Variants in AKR1B10 observed in about 807,000 individuals in gnomAD.
The protein encoded by AKR1B10 is aldo-keto reductase family 1 member B10.
In AKR1B10, 39 loss-of-function variants were observed where a neutral mutation model predicts 38.9. The observed-to-expected ratio is 1.00, with a 90% confidence interval of 0.78 to 1.31. The LOEUF (loss-of-function observed/expected upper bound fraction) is 1.31, where lower values mean the gene tolerates loss of function less well. Among genes scored for constraint, AKR1B10 ranks in the 50% most tolerant of loss-of-function variants. AKR1B10 has a pLI of 0.00. For synonymous variants in AKR1B10, 148 were observed against 141.2 expected, an observed-to-expected ratio of 1.05 and a Z score of -0.34; for missense variants, 361 against 382.6, an observed-to-expected ratio of 0.94 and a Z score of 0.47.
chr7:134,538,950 T>A lies in AKR1B10; in HGVS notation c.841T>A (p.Leu281Met), dbSNP rs1314771281. ...VENIQVFDFKLSDEEMATILS... is the reference protein window; with the variant it reads ...VENIQVFDFKMSDEEMATILS... Reference sequence around the variant, plus strand: ...ACCTTTCCAGGTCTTTGACTTTAAATTGAGTGATGAGGAGATGGCAACCAT... The same window carrying A: ...ACCTTTCCAGGTCTTTGACTTTAAAATGAGTGATGAGGAGATGGCAACCAT... Residue 281 changes from leucine (L) to methionine (M), a missense_variant, in exon 9 of 10, where the codon TTG becomes ATG. By Grantham distance (15) the Leu-to-Met change is conservative. Coordinates refer to ENST00000359579, the MANE Select transcript of AKR1B10 (RefSeq NM_020299.5). 6.2e-7 allele frequency: 1 copy of A among 1,614,010 alleles called. No homozygotes were observed. Among genetic ancestry groups the A allele is most frequent in the Admixed American group, 1.7e-5 (1 of 60,024 alleles).
Position 134,541,120 on chromosome 7 carries a change from G to T in AKR1B10, c.*31G>T. On this transcript the variant is annotated 3_prime_UTR_variant, in exon 10 of 10. Transcript: ENST00000359579. ...AATCTCCTGGTGAGATTATACAGGA[G>T]ATTCTCTTTCTTCGCTGAAGTGTGA... The T allele has an allele frequency of 6.6e-7, 1 of 1,508,994 alleles. No individual in the cohort carries two copies. Among genetic ancestry groups the T allele is most frequent in the Middle Eastern group, 1.8e-4 (1 of 5,452 alleles). 93.5% of individuals were successfully genotyped at this position (1,508,994 alleles called of 1,614,324 possible).
intron 6 of AKR1B10, 51 bp from the exon 7 acceptor site, chr7:134,537,529 T>C (rs767927540): frequency 2.5e-6 from 4 of 1,585,066 alleles, no homozygotes; most frequent in East Asian, 2.2e-5. Context: ...GGTGTCCTTC[T>C]GTACATGGTA....
In AKR1B10 at chr7:134,535,719, T is replaced by C. The variant is rs1807984693; in HGVS notation, c.430-931T>C. 7.1e-6 allele frequency: 7 copies of C among 981,570 alleles called. No homozygotes were observed. In the Admixed American group the frequency reaches 4.3e-4, roughly 60 times the overall value. The allele number at this position is 981,570 out of a possible 1,614,324, so 60.8% of individuals were successfully genotyped here. A position where few individuals can be genotyped will look rare whatever the true frequency, so the allele number is the denominator to read the frequency against. On this transcript the variant is annotated intron_variant, in intron 4 of 9. Transcript: ENST00000359579. ...GACTCTGTCTATGCCGCTGTGATGT[T>C]ATCTGAGGCAGCCTCAGTGTCATGA...
chr7:134,537,483 G>A, intron 6 of AKR1B10, 97 bp from the exon 7 acceptor site: 2 of 1,327,358 alleles, frequency 1.5e-6, no homozygotes, highest in Non-Finnish European at 1.1e-6. Flanking sequence ...CAGATGGAGA[G>A]GCTCTGATGA....
chr7:134,540,546 T>C (rs1366486644), intron 9 of AKR1B10, among the ~76,000 whole-genome samples: 3 of 152,172 alleles, frequency 2.0e-5, no homozygotes, highest in Non-Finnish European at 2.9e-5. Flanking sequence ...CTGTGTGACA[T>C]TGGGCAAATT....
Position 134,537,658 on chromosome 7 carries a change from C to T in AKR1B10, c.738C>T (p.Ala246=), listed in dbSNP as rs61735101. 1,424 of 1,614,074 alleles carry T rather than the reference C, an allele frequency of 8.8e-4. 8 individuals carry two copies. In the African/African-American group the frequency reaches 0.016, roughly 18 times the overall value. ...CTGCAAAGCACAAAAAAACCGCAGCCCAGGTGCCATATTTTTATTTTTCTT... is the reference window on the plus strand; with the variant it reads ...CTGCAAAGCACAAAAAAACCGCAGCTCAGGTGCCATATTTTTATTTTTCTT... The part of the protein sequence containing the change: ...EIAAKHKKTA[A]QVLIRFHIQR... Residue 246 remains alanine, a synonymous_variant, in exon 7 of 10, where the codon GCC becomes GCT. Coordinates refer to ENST00000359579, the MANE Select transcript of AKR1B10 (RefSeq NM_020299.5).
Position 134,538,287 on chromosome 7 carries a change from C to G in AKR1B10, c.825+10C>G, listed in dbSNP as rs557634636. ...TGTTGAGAACATTCAGGTAAGTTTC[C>G]GGCTGGTCGGCCCTGGTATTCCTCA... On this transcript the variant is annotated intron_variant, in intron 8 of 9. Transcript: ENST00000359579. 1.4e-5 allele frequency: 22 copies of G among 1,612,464 alleles called. No individual in the cohort carries two copies. In the South Asian group the frequency reaches 1.5e-4, roughly 11 times the overall value.
rs1276151712 is a variant in AKR1B10, at chr7:134,537,666, C to G, written c.741+5C>G. ...CACAAAAAAACCGCAGCCCAGGTGCCATATTTTTATTTTTCTTGTTATCCA... is the reference window on the plus strand; with the variant it reads ...CACAAAAAAACCGCAGCCCAGGTGCGATATTTTTATTTTTCTTGTTATCCA... On this transcript the variant is annotated splice_donor_5th_base_variant and intron_variant, in intron 7 of 9. Coordinates refer to ENST00000359579, the MANE Select transcript of AKR1B10 (RefSeq NM_020299.5). The G allele has an allele frequency of 1.2e-6, 2 of 1,614,014 alleles. No homozygotes were observed. The highest frequency in any genetic ancestry group is 1.7e-4 in the Middle Eastern group (1 of 6,060).
chr7:134,535,135 A>C (rs1417306001), intron 4 of AKR1B10, among the ~76,000 whole-genome samples: 2 of 152,194 alleles, frequency 1.3e-5, no homozygotes, highest in Non-Finnish European at 2.9e-5. Flanking sequence ...CGCCACATCC[A>C]GCTAATTAAA....
chr7:134,534,367 C>T (rs1022685385), intron 4 of AKR1B10, among the ~76,000 whole-genome samples: 2 of 152,192 alleles, frequency 1.3e-5, no homozygotes, highest in African/African-American at 4.8e-5. Context: ...AGGGATCCAC[C>T]TGTCTTGGCC....
At chr7:134,538,382 TC>T in intron 8 of AKR1B10, 105 bp downstream of exon 8, 2 of 1,126,446 alleles carry the variant, frequency 1.8e-6, no homozygotes, top group Non-Finnish European at 2.6e-6. Context: ...TTTTGCCCCC[TC>T]CCTTCCCACC....
rs1277830478 is a variant in AKR1B10, at chr7:134,527,871, A to C, written c.-41A>C. 1 of 1,612,058 alleles carries C rather than the reference A, an allele frequency of 6.2e-7. No homozygotes were observed. The highest frequency in any genetic ancestry group is 1.1e-5 in the South Asian group (1 of 90,988). On this transcript the variant is annotated 5_prime_UTR_variant, in exon 1 of 10. Coordinates refer to ENST00000359579, the MANE Select transcript of AKR1B10 (RefSeq NM_020299.5). ...AAACAGCAACAGAGAGCAGGACGTG[A>C]GACTTCTACCTGCTCACTCAGAATC...
Position 134,541,389 on chromosome 7 carries a change from A to G in AKR1B10, c.*300A>G, listed in dbSNP as rs891297705. 3.3e-6 allele frequency: 1 copy of G among 306,094 alleles called. No homozygotes were observed. The highest frequency in any genetic ancestry group is 9.4e-5 in the East Asian group (1 of 10,610). The allele number at this position is 306,094 out of a possible 1,614,324, so 19.0% of individuals were successfully genotyped here. A position where few individuals can be genotyped will look rare whatever the true frequency, so the allele number is the denominator to read the frequency against. The stretch of plus-strand genomic sequence containing the variant: ...CAACACTGAGGATGTAAAGATCAAT[A>G]AAAAAAATAATAATCATAACCAACA... On this transcript the variant is annotated 3_prime_UTR_variant, in exon 10 of 10. Coordinates refer to ENST00000359579, the MANE Select transcript of AKR1B10 (RefSeq NM_020299.5).
intron 4 of AKR1B10, among the ~76,000 whole-genome samples, 153 bp downstream of exon 4, chr7:134,533,234 G>C (rs563382284): frequency 9.2e-5 from 14 of 152,036 alleles, no homozygotes; most frequent in Non-Finnish European, 1.9e-4. Flanking sequence ...ATCACCTTTG[G>C]CTTTTGGGTA....
intron 3 of AKR1B10, among the ~76,000 whole-genome samples, chr7:134,532,232 C>T (rs1462569156): frequency 4.6e-5 from 7 of 152,140 alleles, no homozygotes; most frequent in Non-Finnish European, 7.3e-5. Context: ...GAGGTGGCCA[C>T]ATGCCTGGGT....
intron 4 of AKR1B10, chr7:134,535,583 G>GTTT (rs1807972246): frequency 2.9e-6 from 2 of 681,334 alleles, no homozygotes; most frequent in Admixed American, 1.0e-4. Flanking sequence ...CCTCTTTTCT[G>GTTT]TCTTTTTTTT....
At chr7:134,535,603 T>C in intron 4 of AKR1B10, 1 of 960,736 alleles carries the variant, frequency 1.0e-6, no homozygotes, top group Non-Finnish European at 1.2e-6. Context: ...TTTTTTTTTT[T>C]TTTTTCTTTT....
intron 4 of AKR1B10, chr7:134,535,608 T>TTTTTTTTTTTTG (rs1554396830): frequency 6.8e-6 from 6 of 881,252 alleles, no homozygotes; most frequent in Admixed American, 8.8e-5. Flanking sequence ...TTTTTTTTTT[T>TTTTTTTTTTTTG]CTTTTGAGGC....
intron 7 of AKR1B10, 49 bp downstream of exon 7, chr7:134,537,710 C>G: frequency 1.2e-6 from 2 of 1,600,772 alleles, no homozygotes; most frequent in Non-Finnish European, 8.6e-7. Flanking sequence ...TTCTTCCAGT[C>G]TCGTGTTTCA....
Sources: gnomAD v4.1 joint callset for allele counts (sites outside exome capture counted in the v4.1 genomes callset) on GRCh38, gnomAD v4.1.1 for gene constraint, MANE v1.5 for transcripts, NCBI Gene and HGNC (gene_info 2026-07-23, HGNC 2026-07-21) for gene names.